Variants in MAF observed in about 807,000 individuals in gnomAD.
The protein encoded by MAF is MAF bZIP transcription factor, also known as transcription factor Maf.
A neutral mutation model predicts 22.0 loss-of-function variants in MAF; 10 were observed. The ratio of observed to expected loss-of-function variants is 0.45; its 90% confidence interval spans 0.28 to 0.77. The LOEUF (loss-of-function observed/expected upper bound fraction) is 0.77, where lower values mean the gene tolerates loss of function less well. Among genes scored for constraint, MAF ranks in the 30% least tolerant of loss-of-function variants. MAF has a pLI of 0.12. For synonymous variants in MAF, 337 were observed against 255.8 expected, an observed-to-expected ratio of 1.32 and a Z score of -3.03; for missense variants, 544 against 548.4, an observed-to-expected ratio of 0.99 and a Z score of 0.08.
At chr16:79,582,472 G>A (rs1912579994), downstream of MAF, among the ~76,000 whole-genome samples, 1 of 152,134 alleles carries the variant, frequency 6.6e-6, no homozygotes, top group Admixed American at 6.5e-5. Context: ...AGAGTTGACT[G>A]AAAATAATAC....
At chr16:79,568,304 G>A in the MAF span, among the ~76,000 whole-genome samples, 1 of 152,184 alleles carries the variant, frequency 6.6e-6, no homozygotes, top group African/African-American at 2.4e-5. Context: ...CTGGGTTCCT[G>A]TTGTAACTCA....
the MAF span, among the ~76,000 whole-genome samples, chr16:79,493,249 C>G: frequency 6.6e-6 from 1 of 151,854 alleles, no homozygotes; most frequent in Non-Finnish European, 1.5e-5. Flanking sequence ...GTGGCATGAT[C>G]TCGACTCACT....
the MAF span, among the ~76,000 whole-genome samples, chr16:79,353,182 C>A: frequency 6.6e-6 from 1 of 151,604 alleles, no homozygotes. Flanking sequence ...AGAGCAGCTG[C>A]GCAATCTCAG....
At chr16:79,422,745 G>A in the MAF span, among the ~76,000 whole-genome samples, 1 of 152,112 alleles carries the variant, frequency 6.6e-6, no homozygotes, top group Non-Finnish European at 1.5e-5. Flanking sequence ...GACCTATTAT[G>A]TTCCAGTTAC....
chr16:79,519,438 T>C, the MAF span, among the ~76,000 whole-genome samples: 1 of 152,196 alleles, frequency 6.6e-6, no homozygotes. Context: ...ACGGGGAGTC[T>C]CTAACCCAGA....
chr16:79,516,932 C>G, the MAF span, among the ~76,000 whole-genome samples: 1,224 of 152,268 alleles, frequency 8.0e-3, 7 homozygotes, highest in Non-Finnish European at 0.013. Context: ...TTTTGCATGG[C>G]TAGGAAAAGG....
the MAF span, among the ~76,000 whole-genome samples, chr16:79,252,432 C>T: frequency 2.0e-5 from 3 of 152,218 alleles, no homozygotes; most frequent in South Asian, 2.1e-4. Context: ...CTCAATGTGG[C>T]CCATGGGCTG....
chr16:79,596,389 A>T (rs1913525617), intron 1 of MAF: 1 of 1,058,376 alleles, frequency 9.4e-7, no homozygotes, highest in South Asian at 4.6e-5. Context: ...TCCTCCAGGA[A>T]TCCTTCCACT....
chr16:79,586,264 C>G (rs547604878), intron 1 of MAF, among the ~76,000 whole-genome samples: 1 of 152,276 alleles, frequency 6.6e-6, no homozygotes, highest in South Asian at 2.1e-4. Context: ...TCAAAGGGAG[C>G]CAAGAGATTC....
the MAF span, among the ~76,000 whole-genome samples, chr16:79,405,299 G>T: frequency 1.3e-5 from 2 of 152,090 alleles, no homozygotes; most frequent in African/African-American, 4.8e-5. Context: ...ACCTACATGG[G>T]GACATCACTT....
At chr16:79,575,656 C>T in the MAF span, among the ~76,000 whole-genome samples, 1 of 152,154 alleles carries the variant, frequency 6.6e-6, no homozygotes, top group Non-Finnish European at 1.5e-5. Context: ...GGAGGTAGAA[C>T]AAAGCAGATG....
the MAF span, among the ~76,000 whole-genome samples, chr16:79,285,900 C>T: frequency 6.6e-6 from 1 of 152,200 alleles, no homozygotes; most frequent in African/African-American, 2.4e-5. Context: ...ATTCCCACTG[C>T]ACAACTGGCT....
chr16:79,341,880 T>C, the MAF span, among the ~76,000 whole-genome samples: 5 of 152,134 alleles, frequency 3.3e-5, no homozygotes, highest in Admixed American at 1.3e-4. Context: ...GTGGATTGGA[T>C]GTGGCAGAAT....
chr16:79,237,188 C>A, the MAF span, among the ~76,000 whole-genome samples: 2 of 152,096 alleles, frequency 1.3e-5, no homozygotes, highest in African/African-American at 4.8e-5. Context: ...CCTCATAATC[C>A]TATGTGTAAT....
chr16:79,275,349 A>G, the MAF span, among the ~76,000 whole-genome samples: 1 of 152,230 alleles, frequency 6.6e-6, no homozygotes, highest in Non-Finnish European at 1.5e-5. Context: ...CCATCTCCAA[A>G]AAAAGAGAAT....
the MAF span, among the ~76,000 whole-genome samples, chr16:79,572,551 C>A: frequency 6.6e-6 from 1 of 152,164 alleles, no homozygotes; most frequent in African/African-American, 2.4e-5. Context: ...GCTACCTGGA[C>A]GGTTTCACAT....
chr16:79,244,863 A>G, the MAF span, among the ~76,000 whole-genome samples: 1 of 152,088 alleles, frequency 6.6e-6, no homozygotes, highest in Non-Finnish European at 1.5e-5. Flanking sequence ...TGGTACCAAA[A>G]CAGACATATA....
At chr16:79,329,666 C>T in the MAF span, among the ~76,000 whole-genome samples, 1 of 152,224 alleles carries the variant, frequency 6.6e-6, no homozygotes, top group Non-Finnish European at 1.5e-5. Flanking sequence ...ACCCTTATCT[C>T]CCACACTGTG....
the MAF span, among the ~76,000 whole-genome samples, chr16:79,312,246 C>G: frequency 1.3e-5 from 2 of 152,162 alleles, no homozygotes; most frequent in Non-Finnish European, 2.9e-5. Flanking sequence ...CCTGTCTGCA[C>G]AGAGTTTTGT....
Sources: gnomAD v4.1 joint callset for allele counts (sites outside exome capture counted in the v4.1 genomes callset) on GRCh38, gnomAD v4.1.1 for gene constraint, MANE v1.5 for transcripts, NCBI Gene and HGNC (gene_info 2026-07-23, HGNC 2026-07-21) for gene names.